The following CRB1 variants were observed in gnomAD, a reference collection of about 807,000 sequenced individuals.
CRB1 encodes protein crumbs homolog 1.
A neutral mutation model predicts 120.0 loss-of-function variants in CRB1; 83 were observed. That is an observed-to-expected ratio of 0.69 (90% CI 0.58 to 0.83). The LOEUF (loss-of-function observed/expected upper bound fraction) is 0.83. Ranked by LOEUF, CRB1 falls within the 40% of genes least tolerant of loss-of-function variation. The pLI, the probability that CRB1 is intolerant of heterozygous loss-of-function variation, is 0.00. For missense variants in CRB1, 1,699 were observed against 1,687.6 expected (o/e 1.01, Z -0.12); for synonymous variants, 625 against 612.5 (o/e 1.02, Z -0.30).
chr1:197,474,242 T>C (rs1667108147), intron 11 of CRB1, among the ~76,000 whole-genome samples: 1 of 152,212 alleles, frequency 6.6e-6, no homozygotes, highest in Non-Finnish European at 1.5e-5. Context: ...ATGTTAATAT[T>C]CCATTTTATA....
chr1:197,344,907 T>G (rs78775564), intron 3 of CRB1, among the ~76,000 whole-genome samples: 30 of 152,346 alleles, frequency 2.0e-4, no homozygotes, highest in African/African-American at 7.0e-4. Context: ...GATATTTAAT[T>G]ACTTATATCT....
intron 8 of CRB1, among the ~76,000 whole-genome samples, chr1:197,433,566 T>A (rs1664980391): frequency 6.6e-6 from 1 of 152,060 alleles, no homozygotes; most frequent in Non-Finnish European, 1.5e-5. Context: ...CATGGGGATA[T>A]AAAATTAGTA....
At chr1:197,227,227 G>T in the CRB1 span, among the ~76,000 whole-genome samples, 1 of 152,064 alleles carries the variant, frequency 6.6e-6, no homozygotes, top group Admixed American at 6.6e-5. Context: ...CTGCCTATGA[G>T]CCTGTAAAAT....
At chr1:197,256,964 TG>T in the CRB1 span, among the ~76,000 whole-genome samples, 1 of 149,514 alleles carries the variant, frequency 6.7e-6, no homozygotes, top group African/African-American at 2.5e-5. Context: ...TGTGTGTGTG[TG>T]TGTGTAATTT....
the CRB1 span, among the ~76,000 whole-genome samples, chr1:197,210,043 C>T: frequency 6.6e-6 from 1 of 152,228 alleles, no homozygotes; most frequent in Non-Finnish European, 1.5e-5. Flanking sequence ...ATGTGAGCCT[C>T]CACACACTGC....
At chr1:197,462,325 T>A (rs1327928183) in intron 11 of CRB1, among the ~76,000 whole-genome samples, 3 of 152,188 alleles carry the variant, frequency 2.0e-5, no homozygotes, top group Non-Finnish European at 4.4e-5. Flanking sequence ...TATGTGTGTA[T>A]GTTTTAATAA....
At chr1:197,463,877 A>T (rs1359911672) in intron 11 of CRB1, among the ~76,000 whole-genome samples, 1 of 152,188 alleles carries the variant, frequency 6.6e-6, no homozygotes, top group African/African-American at 2.4e-5. Flanking sequence ...ATGCTCAAAG[A>T]ATCAAAGACC....
At chr1:197,413,790 G>A (rs1004959809) in intron 5 of CRB1, 1 of 372,436 alleles carries the variant, frequency 2.7e-6, no homozygotes, top group South Asian at 2.1e-5. Flanking sequence ...CCAGCTTGGA[G>A]GGAAATGAGT....
In CRB1 at chr1:197,316,914, A is replaced by AG. The variant is rs1553247510; in HGVS notation, c.71-11508_71-11507insG. ...CAATTTCACTTACAATGGCTACAAA[A>AG]AAAAAAAACAAAAAAAAACCCAGAA... On this transcript the variant is annotated intron_variant, in intron 1 of 11. Coordinates refer to ENST00000367400, the MANE Select transcript of CRB1 (RefSeq NM_201253.3). Among the ~76,000 whole-genome samples, 10 of 151,594 alleles carry AG rather than the reference A, an allele frequency of 6.6e-5. No individual in the cohort carries two copies. In the South Asian group the frequency reaches 1.0e-3, roughly 16 times the overall value.
chr1:197,264,613 C>CTT (rs750805262), upstream of CRB1, among the ~76,000 whole-genome samples: 1,315 of 131,040 alleles, frequency 0.01, 18 homozygotes, highest in African/African-American at 0.022. Flanking sequence ...GTGCATTCTT[C>CTT]TTTTTTTTTT....
chr1:197,209,444 C>G, the CRB1 span, among the ~76,000 whole-genome samples: 1 of 152,162 alleles, frequency 6.6e-6, no homozygotes, highest in Non-Finnish European at 1.5e-5. Flanking sequence ...CTCCCAGGCT[C>G]AAGCAGTTCT....
chr1:197,420,620 T>A (rs1294591741), intron 5 of CRB1, among the ~76,000 whole-genome samples: 2 of 152,324 alleles, frequency 1.3e-5, no homozygotes, highest in East Asian at 3.9e-4. Flanking sequence ...ATATACAATG[T>A]CTGAGAAAAA....
In CRB1 at chr1:197,280,773, T is replaced by C. The variant is rs117615229; in HGVS notation, c.70+12291T>C. Reference sequence around the variant, plus strand: ...ATTATGTCCTTTTTCTAGTAGATATTTCACTGTTAATTGTTCATGGCTGGT... The same window carrying C: ...ATTATGTCCTTTTTCTAGTAGATATCTCACTGTTAATTGTTCATGGCTGGT... On this transcript the variant is annotated intron_variant, in intron 1 of 11. Coordinates refer to ENST00000367400, the MANE Select transcript of CRB1 (RefSeq NM_201253.3). Among the ~76,000 whole-genome samples, 134 of 152,038 alleles carry C rather than the reference T, an allele frequency of 8.8e-4. 2 individuals are homozygous for C. The East Asian group carries it at 0.022, about 25-fold the overall frequency.
intron 11 of CRB1, among the ~76,000 whole-genome samples, chr1:197,463,676 T>C (rs1666629004): frequency 6.6e-6 from 1 of 152,208 alleles, no homozygotes; most frequent in Admixed American, 6.5e-5. Flanking sequence ...ATACATGCAA[T>C]AATCTCTATA....
At chr1:197,399,286 G>A (rs1662938606) in intron 5 of CRB1, among the ~76,000 whole-genome samples, 1 of 152,118 alleles carries the variant, frequency 6.6e-6, no homozygotes, top group South Asian at 2.1e-4. Context: ...TAGTTTAGTT[G>A]TCATTTTCCC....
intron 5 of CRB1, among the ~76,000 whole-genome samples, chr1:197,399,055 C>G (rs545576153): frequency 1.3e-5 from 2 of 152,020 alleles, no homozygotes; most frequent in Non-Finnish European, 2.9e-5. Context: ...TCTCCACTTG[C>G]AATGCTCACC....
intron 5 of CRB1, among the ~76,000 whole-genome samples, chr1:197,409,008 C>A (rs1663560290): frequency 6.6e-6 from 1 of 152,158 alleles, no homozygotes; most frequent in South Asian, 2.1e-4. Flanking sequence ...TTTTGTCTTT[C>A]GTTTGAAGAT....
intron 11 of CRB1, among the ~76,000 whole-genome samples, chr1:197,455,202 A>C (rs568050958): frequency 6.6e-6 from 1 of 152,286 alleles, no homozygotes; most frequent in South Asian, 2.1e-4. Context: ...ATTATGTTTT[A>C]CTTGATTCTC....
chr1:197,404,210 C>G (rs1378070729), intron 5 of CRB1, among the ~76,000 whole-genome samples: 1 of 152,176 alleles, frequency 6.6e-6, no homozygotes, highest in African/African-American at 2.4e-5. Context: ...TGACCATCAG[C>G]TGGCTCTCTC....
Sources: gnomAD v4.1 joint callset for allele counts (sites outside exome capture counted in the v4.1 genomes callset) on GRCh38, gnomAD v4.1.1 for gene constraint, MANE v1.5 for transcripts, NCBI Gene and HGNC (gene_info 2026-07-23, HGNC 2026-07-21) for gene names.